The following FRMPD4 variants were observed in gnomAD, a reference collection of about 807,000 sequenced individuals.
FRMPD4 encodes the protein FERM and PDZ domain-containing protein 4.
In FRMPD4, 22 loss-of-function variants were observed where a neutral mutation model predicts 94.1. The ratio of observed to expected loss-of-function variants is 0.23; its 90% CI spans 0.17 to 0.33. FRMPD4 has a LOEUF of 0.33. Ranked by LOEUF, FRMPD4 falls within the 10% of genes least tolerant of loss-of-function variation. The probability of loss-of-function intolerance (pLI) is 1.00; values close to 1 mark genes in which losing one functional copy is unlikely to be tolerated. For missense variants in FRMPD4, 1,111 were observed against 1,339.9 expected (o/e 0.83, Z 2.67); for synonymous variants, 631 against 548.6 (o/e 1.15, Z -2.10).
chrX:11,860,182 A>G (rs1290905715), intron 1 of FRMPD4, among the ~76,000 whole-genome samples: 1 of 112,649 alleles, frequency 8.9e-6, no homozygotes, highest in African/African-American at 3.2e-5. Context: ...ATCACTTATC[A>G]AGATATTGTT....
At position 12,717,943 on chromosome X, in the gene FRMPD4, C is replaced by T. The variant is rs1311964898; in HGVS notation, c.3117C>T (p.Pro1039=). The change falls in exon 16 of 17, where the codon CCC becomes CCT. Residue 1039 remains proline, a synonymous_variant. Coordinates refer to ENST00000675598, the MANE Select transcript of FRMPD4 (RefSeq NM_001368397.1). ...SKLADGEGKA[P]PNGNTTGKKQ... ...TGGCCGATGGTGAGGGGAAGGCACC[C>T]CCTAATGGGAACACAACAGGAAAAA... 1 of 1,209,567 alleles carries T rather than the reference C, an allele frequency of 8.3e-7. No individual in the cohort carries two copies. The highest frequency in any genetic ancestry group is 1.1e-6 in the Non-Finnish European group (1 of 894,507).
intron 2 of FRMPD4, among the ~76,000 whole-genome samples, chrX:12,533,832 A>T (rs1356559378): frequency 8.9e-6 from 1 of 112,508 alleles, no homozygotes; most frequent in Non-Finnish European, 1.9e-5. Context: ...CAGAGCATAA[A>T]AGTTCAAAAA....
chrX:12,520,729 C>T (rs1267970846), intron 2 of FRMPD4, among the ~76,000 whole-genome samples: 1 of 112,067 alleles, frequency 8.9e-6, no homozygotes, highest in Non-Finnish European at 1.9e-5. Context: ...CCAGCATTCT[C>T]AGAATCAGCC....
At chrX:11,971,444 C>T (rs1417506177) in intron 3 of FRMPD4, among the ~76,000 whole-genome samples, 1 of 112,801 alleles carries the variant, frequency 8.9e-6, no homozygotes, top group East Asian at 2.7e-4. Flanking sequence ...AGAATGTGAG[C>T]TGTTCAATGG....
intron 2 of FRMPD4, among the ~76,000 whole-genome samples, chrX:12,506,605 A>G (rs761516383): frequency 6.2e-5 from 7 of 112,711 alleles, no homozygotes; most frequent in Non-Finnish European, 1.1e-4. Context: ...GACATTTCAT[A>G]ATAAGACACA....
intron 1 of FRMPD4, among the ~76,000 whole-genome samples, chrX:12,187,419 A>T (rs1014739): frequency 0.2 from 22,312 of 111,274 alleles, 1,997 homozygotes; most frequent in East Asian, 0.62. Context: ...TGCCACAGTG[A>T]CTTGATAATA....
chrX:12,172,901 A>G (rs2056247721), intron 1 of FRMPD4, among the ~76,000 whole-genome samples: 1 of 112,856 alleles, frequency 8.9e-6, no homozygotes, highest in Admixed American at 9.3e-5. Flanking sequence ...TTGCCACTAT[A>G]GCAGTTTTAG....
At chrX:12,239,779 G>T (rs900668813) in intron 1 of FRMPD4, among the ~76,000 whole-genome samples, 1 of 111,955 alleles carries the variant, frequency 8.9e-6, no homozygotes, top group East Asian at 2.8e-4. Context: ...GGTGAGAGCC[G>T]AATTCCTGGC....
rs909708112 is a variant in FRMPD4 at position 12,691,434 on chromosome X, C to A, written c.813+1108C>A. On this transcript the variant is annotated intron_variant, in intron 8 of 16. Transcript: ENST00000675598. ...AAGTGCTGGGATTACAGGAATGAGC[C>A]CCCATGCCTGGCCTCTATTGAGTCT... Among the ~76,000 whole-genome samples, 4 of 110,698 alleles carry A rather than the reference C, an allele frequency of 3.6e-5. No homozygotes were observed. The Admixed American group carries it at 3.8e-4, about 11-fold the overall frequency.
At chrX:11,826,760 T>C (rs2053445445) in intron 1 of FRMPD4, among the ~76,000 whole-genome samples, 1 of 111,513 alleles carries the variant, frequency 9.0e-6, no homozygotes, top group Non-Finnish European at 1.9e-5. Context: ...CAACTAGTAT[T>C]AATAGAACAT....
intron 1 of FRMPD4, among the ~76,000 whole-genome samples, chrX:12,410,816 C>T (rs2056723942): frequency 9.0e-6 from 1 of 111,582 alleles, no homozygotes; most frequent in South Asian, 3.8e-4. Context: ...CATCTTATCA[C>T]GGACTTAAAG....
At chrX:12,061,360 G>A (rs2054885098) in intron 3 of FRMPD4, among the ~76,000 whole-genome samples, 1 of 111,849 alleles carries the variant, frequency 8.9e-6, no homozygotes, top group Non-Finnish European at 1.9e-5. Context: ...CCTTACAACA[G>A]GGTAACTTCT....
At chrX:12,364,100 TGAG>T (rs1319170010) in intron 1 of FRMPD4, among the ~76,000 whole-genome samples, 4 of 111,373 alleles carry the variant, frequency 3.6e-5, no homozygotes, top group Non-Finnish European at 7.5e-5. Context: ...TCAAGATAGA[TGAG>T]GAATCAGATC....
At chrX:12,143,121 G>A (rs770733329) in intron 1 of FRMPD4, among the ~76,000 whole-genome samples, 8 of 112,096 alleles carry the variant, frequency 7.1e-5, no homozygotes, top group Non-Finnish European at 1.9e-5. Context: ...ACTCAAGACC[G>A]TTTAAAATCT....
intron 1 of FRMPD4, among the ~76,000 whole-genome samples, chrX:12,293,630 T>G (rs2054723292): frequency 8.9e-6 from 1 of 112,762 alleles, no homozygotes; most frequent in African/African-American, 3.2e-5. Context: ...AGTCAGCCTG[T>G]GCTTTTTAAG....
At chrX:11,915,683 T>C (rs1384566821) in intron 3 of FRMPD4, among the ~76,000 whole-genome samples, 1 of 112,565 alleles carries the variant, frequency 8.9e-6, no homozygotes, top group Non-Finnish European at 1.9e-5. Context: ...ACAGCACAGA[T>C]ATAGAACATG....
At chrX:12,317,585 C>CAAAAAAAAAAAAAAAAAACAAAAAAAA (rs2055140855) in intron 1 of FRMPD4, among the ~76,000 whole-genome samples, 1 of 42,433 alleles carries the variant, frequency 2.4e-5, no homozygotes, top group Non-Finnish European at 4.4e-5. Flanking sequence ...AACTAAATAG[C>CAAAAAAAAAAAAAAAAAACAAAAAAAA]AAAAAAAAAA....
intron 2 of FRMPD4, among the ~76,000 whole-genome samples, chrX:12,526,768 G>T (rs765033683): frequency 2.0e-4 from 22 of 112,194 alleles, no homozygotes; most frequent in African/African-American, 6.5e-4. Flanking sequence ...ACTTCCAGAA[G>T]TTATCATATG....
At chrX:12,705,647 A>T (rs1292848229) in intron 11 of FRMPD4, among the ~76,000 whole-genome samples, 1 of 111,154 alleles carries the variant, frequency 9.0e-6, no homozygotes, top group Middle Eastern at 4.2e-3. Flanking sequence ...ACAGAGATGT[A>T]GCAAGATGAT....
Sources: allele counts gnomAD v4.1 joint callset (sites outside exome capture counted in the v4.1 genomes callset), GRCh38; gene constraint gnomAD v4.1.1; transcripts MANE v1.5; gene names NCBI Gene and HGNC (gene_info 2026-07-23, HGNC 2026-07-21).